Variants in PCDHGA3 observed in about 807,000 individuals in gnomAD.
The protein encoded by PCDHGA3 is protocadherin gamma-A3.
Under a neutral mutation model 58.5 loss-of-function variants are expected in PCDHGA3, and 40 were observed. The observed-to-expected ratio is 0.68, with a 90% CI of 0.53 to 0.89. The LOEUF is 0.89. Among genes scored for constraint, PCDHGA3 ranks in the 40% least tolerant of loss-of-function variants. The pLI is 0.00. For synonymous variants in PCDHGA3, 530 were observed against 525.7 expected, an observed-to-expected ratio of 1.01 and a Z score of -0.11; for missense variants, 1,223 against 1,195.9, an observed-to-expected ratio of 1.02 and a Z score of -0.33.
At chr5:141,374,459 A>T (rs764751595) in intron 1 of PCDHGA3, 1 of 1,613,448 alleles carries the variant, frequency 6.2e-7, no homozygotes, top group South Asian at 1.1e-5. Context: ...AATAGTGGAC[A>T]TTAATGACAA....
chr5:141,395,414 T>A (rs1254527655), intron 1 of PCDHGA3: 7 of 780,958 alleles, frequency 9.0e-6, no homozygotes, highest in Non-Finnish European at 1.4e-5. Flanking sequence ...TAGGTTATTG[T>A]TTCATTTGCT....
In PCDHGA3 at chr5:141,432,695, G is replaced by A. The variant is rs1275179569; in HGVS notation, c.2425-62112G>A. ...GCTCAAGCAGAGCCTCGTAGTGGCC[G>A]TCCAGGACCACGGCCAGCCCCCTCT... On this transcript the variant is annotated intron_variant, in intron 1 of 3. Coordinates refer to ENST00000253812, the MANE Select transcript of PCDHGA3 (RefSeq NM_018916.4). This position sits in a 1 kb window ranked among gnomAD's most constrained non-coding sequence, Gnocchi z 6.0. The A allele has an allele frequency of 3.1e-6, 5 of 1,613,822 alleles. No homozygotes were observed. The highest frequency in any genetic ancestry group is 1.7e-5 in the Admixed American group (1 of 60,002).
intron 1 of PCDHGA3, chr5:141,388,574 T>C (rs372294800): frequency 6.2e-7 from 1 of 1,613,724 alleles, no homozygotes; most frequent in East Asian, 2.2e-5. Flanking sequence ...AGATACACGT[T>C]CTAGTGACTG....
chr5:141,510,272 TAAAA>T (rs546154379), intron 3 of PCDHGA3, among the ~76,000 whole-genome samples: 1 of 130,390 alleles, frequency 7.7e-6, no homozygotes, highest in East Asian at 2.2e-4. Context: ...GACTCCATCT[TAAAA>T]AAAAAAAAAA....
At chr5:141,373,996 C>A in intron 1 of PCDHGA3, 1 of 1,266,244 alleles carries the variant, frequency 7.9e-7, no homozygotes, top group South Asian at 2.2e-5. Context: ...TGTTGAAGGA[C>A]CTTCACCGCT....
Position 141,393,407 on chromosome 5 carries a change from C to T in PCDHGA3, c.2424+46950C>T, listed in dbSNP as rs766086453. ...TAAACCCAGAGCTGGTGCTGGAGCG[C>T]GCCCTGGACAGGGAGGAAGAGGCTG... On this transcript the variant is annotated intron_variant, in intron 1 of 3. Transcript: ENST00000253812. 3.1e-6 allele frequency: 5 copies of T among 1,614,056 alleles called. No individual in the cohort carries two copies. In the South Asian group the frequency reaches 5.5e-5, roughly 18 times the overall value.
chr5:141,398,051 C>G, intron 1 of PCDHGA3: 3 of 1,512,220 alleles, frequency 2.0e-6, no homozygotes, highest in Non-Finnish European at 2.7e-6. Context: ...GTTCGGAGAT[C>G]CAAAAATCTA....
intron 1 of PCDHGA3, chr5:141,430,625 G>T: frequency 1.3e-6 from 1 of 788,104 alleles, no homozygotes; most frequent in Non-Finnish European, 1.9e-6. Context: ...AGCTAGGAAT[G>T]AACCATCCCT....
At position 141,476,791 on chromosome 5, in the gene PCDHGA3, C is replaced by A. The variant is rs766227340; in HGVS notation, c.2425-18016C>A. 1 of 1,613,512 alleles carries A rather than the reference C, an allele frequency of 6.2e-7. No individual in the cohort carries two copies. Among genetic ancestry groups the A allele is most frequent in the Non-Finnish European group, 8.5e-7 (1 of 1,180,014 alleles). On this transcript the variant is annotated intron_variant, in intron 1 of 3. Transcript: ENST00000253812. This position sits in a 1 kb window ranked among gnomAD's most constrained non-coding sequence, Gnocchi z 7.6. ...TGGACGGAGGGACCCCAGCTCTCTC[C>A]GCCAGCCTGCCTATTCACATCAAGG...
intron 1 of PCDHGA3, chr5:141,408,468 G>T: frequency 6.2e-7 from 1 of 1,614,070 alleles, no homozygotes; most frequent in Non-Finnish European, 8.5e-7. Context: ...GTGAAGAACC[G>T]AATAGACCGT....
chr5:141,376,420 T>C (rs1312408619), intron 1 of PCDHGA3: 5 of 1,614,196 alleles, frequency 3.1e-6, no homozygotes, highest in African/African-American at 1.3e-5. Context: ...CCGACACGCT[T>C]ATCAACCAGG....
intron 1 of PCDHGA3, chr5:141,361,395 C>T: frequency 1.2e-6 from 2 of 1,614,022 alleles, no homozygotes; most frequent in Non-Finnish European, 1.7e-6. Flanking sequence ...AATACAATCT[C>T]ACCATCACAG....
At chr5:141,381,823 C>CTTTT (rs1777506241) in intron 1 of PCDHGA3, among the ~76,000 whole-genome samples, 2 of 101,602 alleles carry the variant, frequency 2.0e-5, no homozygotes, top group Non-Finnish European at 3.9e-5. Context: ...TTTCTTTCTT[C>CTTTT]TTCTTTTTTT....
In PCDHGA3 at chr5:141,477,073, G is replaced by A. The variant is rs755445666; in HGVS notation, c.2425-17734G>A. The A allele has an allele frequency of 1.2e-6, 2 of 1,614,264 alleles. No homozygotes were observed. The highest frequency in any genetic ancestry group is 2.2e-5 in the East Asian group (1 of 44,882). On this transcript the variant is annotated intron_variant, in intron 1 of 3. Coordinates refer to ENST00000253812, the MANE Select transcript of PCDHGA3 (RefSeq NM_018916.4). This position sits in a 1 kb window ranked among gnomAD's most constrained non-coding sequence, Gnocchi z 4.9. ...ACTTCGAGGACACCAAACTCCATGA[G>A]ATTTACATCCAGGCCAAAGACAAGG...
At chr5:141,448,223 T>C (rs1377619033) in intron 1 of PCDHGA3, among the ~76,000 whole-genome samples, 1 of 152,204 alleles carries the variant, frequency 6.6e-6, no homozygotes, top group Non-Finnish European at 1.5e-5. Context: ...TGCGAATGTA[T>C]GTGTGGGGTT....
chr5:141,362,106 G>A, intron 1 of PCDHGA3: 1 of 1,612,496 alleles, frequency 6.2e-7, no homozygotes, highest in Non-Finnish European at 8.5e-7. Flanking sequence ...TCTCCGCTAC[G>A]GCCACGCTGC....
rs1452737362 is a variant in PCDHGA3, at chr5:141,432,324, A to G, written c.2425-62483A>G. On this transcript the variant is annotated intron_variant, in intron 1 of 3. Transcript: ENST00000253812. The surrounding 1 kb of genome is among the most constrained non-coding windows in gnomAD (Gnocchi z 6.0). ...CTGTATGCGCTGAGCTCCTTCGACTACGAGCAGTTCCGAGACTTGCAAGTG... is the reference window on the plus strand; with the variant it reads ...CTGTATGCGCTGAGCTCCTTCGACTGCGAGCAGTTCCGAGACTTGCAAGTG... 3 of 1,614,058 alleles carry G rather than the reference A, an allele frequency of 1.9e-6. No homozygotes were observed. The highest frequency in any genetic ancestry group is 2.7e-5 in the African/African-American group (2 of 74,910).
chr5:141,438,619 TATATATATATATATATACACAC>T (rs1408639052), intron 1 of PCDHGA3, among the ~76,000 whole-genome samples: 61 of 39,666 alleles, frequency 1.5e-3, no homozygotes, highest in African/African-American at 9.2e-3. Context: ...TATATATATA[TATATATATATATATATACACAC>T]ACACACACAC....
chr5:141,418,908 C>G, intron 1 of PCDHGA3: 3 of 1,613,932 alleles, frequency 1.9e-6, no homozygotes, highest in Non-Finnish European at 2.5e-6. Flanking sequence ...ATAATCATCA[C>G]GTCACTCTCT....
Sources: gnomAD v4.1 joint callset for allele counts (sites outside exome capture counted in the v4.1 genomes callset) on GRCh38, gnomAD v4.1.1 for gene constraint, Gnocchi (gnomAD v3.1) non-coding constraint, MANE v1.5 for transcripts, NCBI Gene and HGNC (gene_info 2026-07-23, HGNC 2026-07-21) for gene names.